IFT74: variants seen among roughly 807,000 people sequenced by gnomAD.
IFT74 encodes intraflagellar transport protein 74 homolog.
Under a neutral mutation model 96.7 loss-of-function variants are expected in IFT74, and 92 were observed. The ratio of observed to expected loss-of-function variants is 0.95; its 90% confidence interval spans 0.80 to 1.13. The LOEUF is 1.13. Among genes scored for constraint, IFT74 ranks in the 50% most tolerant of loss-of-function variants. The pLI is 0.00. For missense variants in IFT74, 811 were observed against 698.2 expected (o/e 1.16, Z -1.82); for synonymous variants, 223 against 213.2 (o/e 1.05, Z -0.40).
At chr9:26,995,816 A>G (rs1276091626) in intron 8 of IFT74, 12 of 1,605,966 alleles carry the variant, frequency 7.5e-6, no homozygotes, top group Admixed American at 1.7e-5. Flanking sequence ...AACACCAACA[A>G]GAAAAGCCCA....
intron 8 of IFT74, among the ~76,000 whole-genome samples, chr9:27,000,103 A>G (rs1375829069): frequency 6.6e-6 from 1 of 152,170 alleles, no homozygotes; most frequent in Admixed American, 6.5e-5. Context: ...TTTTCTTGAA[A>G]TACATAAAAT....
upstream of IFT74, among the ~76,000 whole-genome samples, chr9:26,953,503 T>C (rs1030446133): frequency 2.0e-5 from 3 of 152,218 alleles, no homozygotes; most frequent in African/African-American, 7.2e-5. Flanking sequence ...ACATGTGCAT[T>C]TGGATTTCTA....
chr9:27,047,198 T>G (rs1467588854), intron 14 of IFT74, 76 bp from the exon 15 acceptor site: 9 of 871,596 alleles, frequency 1.0e-5, no homozygotes, highest in Non-Finnish European at 1.6e-5. Context: ...AAAAGCACTC[T>G]TAAGAACTGC....
chr9:27,014,752 G>A (rs560269182), intron 10 of IFT74, among the ~76,000 whole-genome samples: 1 of 152,256 alleles, frequency 6.6e-6, no homozygotes, highest in South Asian at 2.1e-4. Context: ...GGGATTACAA[G>A]CGTGCATCAC....
In IFT74 at chr9:27,029,021, A is replaced by G; in HGVS notation, c.975-4A>G. The G allele has an allele frequency of 6.3e-7, 1 of 1,577,220 alleles. No individual in the cohort carries two copies. The highest frequency in any genetic ancestry group is 2.2e-5 in the East Asian group (1 of 44,448). ...CATAAATTCATTAAAAATATTTTCAACAGGTTAACAGATACAAAAGAAAAG... is the reference window on the plus strand; with the variant it reads ...CATAAATTCATTAAAAATATTTTCAGCAGGTTAACAGATACAAAAGAAAAG... On this transcript the variant is annotated splice_polypyrimidine_tract_variant and splice_region_variant and intron_variant, in intron 12 of 19. Transcript: ENST00000380062.
intron 12 of IFT74, among the ~76,000 whole-genome samples, chr9:27,027,120 A>G (rs936698819): frequency 3.3e-5 from 5 of 152,178 alleles, no homozygotes; most frequent in African/African-American, 1.2e-4. Flanking sequence ...AAGCTCAATT[A>G]GAAACAAAAT....
rs138434296 is a variant in IFT74, at chr9:27,048,698, A to G, written c.1333+424A>G. On this transcript the variant is annotated intron_variant, in intron 16 of 19. Transcript: ENST00000380062. ...AAATGAAAAATTACAGGGTTCATCA[A>G]TGTACATGCTGGTTAGGCCAGCTGT... Among the ~76,000 whole-genome samples, 1,408 of 152,316 alleles carry G rather than the reference A, an allele frequency of 9.2e-3. 25 individuals carry two copies. The highest frequency in any genetic ancestry group is 0.032 in the African/African-American group (1,327 of 41,568).
At chr9:27,011,850 A>G (rs1829094758) in intron 9 of IFT74, 56 bp from the exon 10 acceptor site, 2 of 1,247,388 alleles carry the variant, frequency 1.6e-6, no homozygotes, top group Non-Finnish European at 1.1e-6. Context: ...CCCCCACTAC[A>G]ACAAATTATT....
chr9:27,062,718 T>C lies in IFT74; in HGVS notation c.1785T>C (p.His595=). The change falls in exon 20 of 20, where the codon CAT becomes CAC. Residue 595 remains histidine, a synonymous_variant. Transcript: ENST00000380062. ...EYNKTIVDAL[H]STSGN is the part of the protein sequence containing the mutation. ...ATAAAACCATCGTGGATGCTTTACATAGCACCAGCGGAAACTGAGTTTAAG... is the reference window on the plus strand; with the variant it reads ...ATAAAACCATCGTGGATGCTTTACACAGCACCAGCGGAAACTGAGTTTAAG... The C allele has an allele frequency of 1.9e-6, 3 of 1,590,368 alleles. No homozygotes were observed. Among genetic ancestry groups the C allele is most frequent in the African/African-American group, 1.3e-5 (1 of 74,108 alleles).
chr9:27,050,555 G>A (rs1293277912), intron 16 of IFT74, among the ~76,000 whole-genome samples: 1 of 152,108 alleles, frequency 6.6e-6, no homozygotes, highest in Non-Finnish European at 1.5e-5. Flanking sequence ...CTGGTGTGTT[G>A]CAGCTTTGAA....
At chr9:27,055,100 ACT>A (rs921454940) in intron 16 of IFT74, among the ~76,000 whole-genome samples, 4 of 152,118 alleles carry the variant, frequency 2.6e-5, no homozygotes, top group African/African-American at 9.7e-5. Flanking sequence ...CAGGAACTTA[ACT>A]CTGTATTTCC....
chr9:27,032,621 A>T (rs945176343), intron 13 of IFT74, among the ~76,000 whole-genome samples: 4 of 152,092 alleles, frequency 2.6e-5, no homozygotes, highest in African/African-American at 9.7e-5. Flanking sequence ...TAATCCCAGC[A>T]CTTTGGGAGG....
At chr9:26,988,242 G>A (rs577833630) in intron 6 of IFT74, among the ~76,000 whole-genome samples, 1 of 152,118 alleles carries the variant, frequency 6.6e-6, no homozygotes, top group Non-Finnish European at 1.5e-5. Flanking sequence ...CTGAGCCACC[G>A]AGCCCGGCTT....
intron 8 of IFT74, among the ~76,000 whole-genome samples, chr9:27,007,172 T>C (rs1261828937): frequency 6.6e-6 from 1 of 152,060 alleles, no homozygotes; most frequent in Non-Finnish European, 1.5e-5. Context: ...CATCAGTGGT[T>C]TTACTGCCAA....
chr9:27,049,184 C>G (rs1206920974), intron 16 of IFT74, among the ~76,000 whole-genome samples: 3 of 152,078 alleles, frequency 2.0e-5, no homozygotes, highest in Non-Finnish European at 2.9e-5. Flanking sequence ...TCATGTACAG[C>G]CTGTAGAACC....
intron 8 of IFT74, chr9:26,999,752 C>G: frequency 1.2e-6 from 1 of 826,002 alleles, no homozygotes; most frequent in Non-Finnish European, 1.8e-6. Flanking sequence ...ATTTTTCCCT[C>G]TTTTGAATCT....
At chr9:26,955,183 C>G (rs1046819832), upstream of IFT74, among the ~76,000 whole-genome samples, 7 of 152,136 alleles carry the variant, frequency 4.6e-5, no homozygotes, top group African/African-American at 1.7e-4. Context: ...TTAAGCAGCT[C>G]ACAGACTCTC....
At position 26,956,485 on chromosome 9, in the gene IFT74, C is replaced by G. The variant is rs970851838; in HGVS notation, c.-51C>G. 7.9e-5 allele frequency: 12 copies of G among 152,320 alleles called. No individual in the cohort carries two copies. Among genetic ancestry groups the G allele is most frequent in the Non-Finnish European group, 1.6e-4 (11 of 68,110 alleles). 9.4% of individuals were successfully genotyped at this position (152,320 alleles called of 1,614,324 possible). On this transcript the variant is annotated 5_prime_UTR_variant, in exon 1 of 20. Transcript: ENST00000380062. ...GAAAGAAGTTAAGGCACCCGCGAGC[C>G]GGGCAACTGCCCTCCTTCCGCGCCG... is the stretch of plus-strand genomic sequence containing the variant.
chr9:26,995,511 T>G (rs1032222833), intron 8 of IFT74: 9 of 1,493,204 alleles, frequency 6.0e-6, no homozygotes, highest in South Asian at 3.9e-5. Context: ...AAAGCAAACT[T>G]TGAAAGAAAT....
Sources: gnomAD v4.1 joint callset for allele counts (sites outside exome capture counted in the v4.1 genomes callset) on GRCh38, gnomAD v4.1.1 for gene constraint, MANE v1.5 for transcripts, NCBI Gene and HGNC (gene_info 2026-07-23, HGNC 2026-07-21) for gene names.